The following CHD9 variants were observed in gnomAD, a reference collection of about 807,000 sequenced individuals.
CHD9 encodes chromodomain helicase DNA binding protein 9.
CHD9 carries 77 observed loss-of-function variants against 316.1 expected under a neutral mutation model. The ratio of observed to expected loss-of-function variants is 0.24; its 90% CI spans 0.20 to 0.29. CHD9 has a LOEUF of 0.29. CHD9 is among the 10% of genes least tolerant of loss of function. CHD9 has a pLI of 1.00. For missense variants in CHD9, 2,763 were observed against 3,438.1 expected (o/e 0.80, Z 4.91); for synonymous variants, 1,129 against 1,158.3 (o/e 0.97, Z 0.51).
intron 1 of CHD9, among the ~76,000 whole-genome samples, chr16:53,072,992 G>A (rs371162683): frequency 4.6e-5 from 7 of 152,230 alleles, no homozygotes; most frequent in African/African-American, 9.6e-5. Context: ...ACCACGCCCG[G>A]CCATCCCTAT....
rs1402018566 is a variant in CHD9 at position 53,314,732 on chromosome 16, A to G, written c.7363-91A>G. 3.4e-6 allele frequency: 4 copies of G among 1,181,054 alleles called. No individual in the cohort carries two copies. The African/African-American group carries it at 4.6e-5, about 14-fold the overall frequency. 73.2% of individuals were successfully genotyped at this position (1,181,054 alleles called of 1,614,324 possible). A position where few individuals can be genotyped will look rare whatever the true frequency, so the allele number is the denominator to read the frequency against. ...TTAGCAGAATTTTTAGCAACAACTT[A>G]TTTTTTCTCTTCAAAAATAATTGCT... On this transcript the variant is annotated intron_variant, in intron 35 of 38. Transcript: ENST00000447540.
chr16:53,133,825 A>G (rs941612131), intron 1 of CHD9, among the ~76,000 whole-genome samples: 5 of 152,212 alleles, frequency 3.3e-5, no homozygotes, highest in Non-Finnish European at 7.3e-5. Flanking sequence ...AATGCTTTCT[A>G]CAAGGCACTG....
chr16:53,269,055 C>G (rs751058644), intron 22 of CHD9, among the ~76,000 whole-genome samples: 8 of 152,062 alleles, frequency 5.3e-5, no homozygotes, highest in Non-Finnish European at 1.0e-4. Context: ...AATCCTTCCC[C>G]CTCAGCCACC....
At chr16:53,133,655 T>C (rs1265512079) in intron 1 of CHD9, among the ~76,000 whole-genome samples, 1 of 152,140 alleles carries the variant, frequency 6.6e-6, no homozygotes, top group Non-Finnish European at 1.5e-5. Context: ...GTCTATCCTC[T>C]GAAATCAAAA....
At chr16:53,174,743 G>A (rs1298523160) in intron 2 of CHD9, among the ~76,000 whole-genome samples, 1 of 152,000 alleles carries the variant, frequency 6.6e-6, no homozygotes, top group Non-Finnish European at 1.5e-5. Context: ...CAAGTAGTTG[G>A]GACCACAGGC....
chr16:53,068,968 T>G (rs2033766935), intron 1 of CHD9, among the ~76,000 whole-genome samples: 1 of 152,174 alleles, frequency 6.6e-6, no homozygotes, highest in African/African-American at 2.4e-5. Context: ...ATTTACCATT[T>G]TAACCATCTT....
chr16:53,295,090 A>G (rs1031292785), intron 29 of CHD9, among the ~76,000 whole-genome samples: 2 of 152,058 alleles, frequency 1.3e-5, no homozygotes, highest in African/African-American at 2.4e-5. Context: ...CACTTAGCCC[A>G]TCCCTCAGAG....
At chr16:53,305,571 A>G (rs1165195117) in intron 31 of CHD9, among the ~76,000 whole-genome samples, 1 of 152,222 alleles carries the variant, frequency 6.6e-6, no homozygotes. Context: ...TGAACAAGTA[A>G]AAGATAATAT....
At chr16:53,208,418 C>G (rs1381367362) in intron 2 of CHD9, 3 of 1,244,928 alleles carry the variant, frequency 2.4e-6, no homozygotes, top group Non-Finnish European at 3.1e-6. Flanking sequence ...GATTGAATAA[C>G]CTTCCTTATT....
rs572012921 is a variant in CHD9, at chr16:53,078,310, T to C, written c.-165+23233T>C. ...GTCATAAGAGTAGAGGCCTCTTGAA[T>C]TGATTCATGATGTTTTCACAGGAAG... is the stretch of plus-strand genomic sequence containing the variant. On this transcript the variant is annotated intron_variant, in intron 1 of 38. Transcript: ENST00000447540. Among the ~76,000 whole-genome samples, 3 of 152,246 alleles carry C rather than the reference T, an allele frequency of 2.0e-5. No individual in the cohort carries two copies. In the South Asian group the frequency reaches 6.2e-4, roughly 32 times the overall value.
chr16:53,219,567 T>A (rs1052515607), intron 3 of CHD9, among the ~76,000 whole-genome samples: 1 of 152,140 alleles, frequency 6.6e-6, no homozygotes, highest in African/African-American at 2.4e-5. Context: ...ACCAGAAGAC[T>A]CTTGTGTCAG....
intron 19 of CHD9, among the ~76,000 whole-genome samples, chr16:53,257,611 T>C (rs542804708): frequency 3.8e-4 from 58 of 152,274 alleles, no homozygotes; most frequent in African/African-American, 1.4e-3. Context: ...CATGGTTGTC[T>C]TTAAGATAGA....
chr16:53,239,950 A>G (rs190394717), intron 12 of CHD9, among the ~76,000 whole-genome samples: 11 of 152,308 alleles, frequency 7.2e-5, no homozygotes, highest in Admixed American at 5.2e-4. Context: ...TAATTGTTTC[A>G]ACCTTGGAAG....
intron 29 of CHD9, among the ~76,000 whole-genome samples, chr16:53,295,086 G>GC (rs1208931696): frequency 6.6e-6 from 1 of 151,870 alleles, no homozygotes; most frequent in Non-Finnish European, 1.5e-5. Flanking sequence ...TTCACACTTA[G>GC]CCCATCCCTC....
intron 1 of CHD9, among the ~76,000 whole-genome samples, chr16:53,135,499 C>CT (rs2039648030): frequency 6.6e-6 from 1 of 152,078 alleles, no homozygotes; most frequent in Non-Finnish European, 1.5e-5. Flanking sequence ...GGAGGAACAA[C>CT]TGACAGATTC....
At position 53,304,280 on chromosome 16, in the gene CHD9, C is replaced by G. The variant is rs1170769674; in HGVS notation, c.6274C>G (p.Gln2092Glu). 1.2e-6 allele frequency: 2 copies of G among 1,611,562 alleles called. No homozygotes were observed. Among genetic ancestry groups the G allele is most frequent in the Non-Finnish European group, 1.7e-6 (2 of 1,179,596 alleles). ...TGTTTTACCACAGGCTACTGGAGAC[C>G]AGAAATCTGGTGGAAAATGTGAAAC... is the stretch of plus-strand genomic sequence containing the variant. ...NGVLPQATGD[Q>E]KSGGKCETDR... is the part of the protein sequence containing the mutation. Residue 2092 changes from glutamine (Q) to glutamate (E), a missense_variant, in exon 31 of 39, where the codon CAG becomes GAG. Around this residue, in one of 15 missense-constraint regions of CHD9, gnomAD observed 663 missense variants for 751.2 expected, o/e 0.88. Transcript: ENST00000447540.
chr16:53,070,444 A>G (rs1172672631), intron 1 of CHD9, among the ~76,000 whole-genome samples: 3 of 150,812 alleles, frequency 2.0e-5, no homozygotes, highest in Admixed American at 6.6e-5. Context: ...TAAGGATACA[A>G]CTTCATTTTT....
chr16:53,055,273 C>T (rs765030828), intron 1 of CHD9, among the ~76,000 whole-genome samples, 196 bp downstream of exon 1: 1 of 152,162 alleles, frequency 6.6e-6, no homozygotes, highest in East Asian at 1.9e-4. Context: ...AGCACCAGGT[C>T]GCTGGCACGC....
chr16:53,292,789 C>A (rs1274841180), intron 28 of CHD9, 44 bp from the exon 29 acceptor site: 6 of 1,477,134 alleles, frequency 4.1e-6, no homozygotes, highest in East Asian at 2.3e-5. Flanking sequence ...GAGCTTCATA[C>A]AGTATCTGTT....
Sources: allele counts gnomAD v4.1 joint callset (sites outside exome capture counted in the v4.1 genomes callset), GRCh38; gene constraint gnomAD v4.1.1; regional missense constraint gnomAD v4.1.1; transcripts MANE v1.5; gene names NCBI Gene and HGNC (gene_info 2026-07-23, HGNC 2026-07-21).